TEX261: variants seen among roughly 807,000 people sequenced by gnomAD.
TEX261 encodes protein TEX261.
A neutral mutation model predicts 25.1 loss-of-function variants in TEX261; 13 were observed. The ratio of observed to expected loss-of-function variants is 0.52; its 90% CI spans 0.34 to 0.82. The LOEUF (loss-of-function observed/expected upper bound fraction) is 0.82, where lower values mean the gene tolerates loss of function less well. Ranked by LOEUF, TEX261 falls within the 40% of genes least tolerant of loss-of-function variation. The pLI is 0.02. For missense variants in TEX261, 206 were observed against 243.2 expected (o/e 0.85, Z 1.02); for synonymous variants, 92 against 97.8 (o/e 0.94, Z 0.35).
At chr2:70,989,376 A>C in intron 4 of TEX261, 1 of 417,568 alleles carries the variant, frequency 2.4e-6, no homozygotes, top group Non-Finnish European at 4.4e-6. Flanking sequence ...GGTGTGGAGA[A>C]ATCGTGGGAG....
At position 70,992,001 on chromosome 2, in the gene TEX261, A is replaced by T. The variant is rs1210377254; in HGVS notation, c.151-18T>A. The T allele has an allele frequency of 2.5e-6, 4 of 1,579,238 alleles. No homozygotes were observed. The highest frequency in any genetic ancestry group is 3.4e-6 in the Non-Finnish European group (4 of 1,161,916). ...GTGGAGAACTGAAACAACCAGAGGC[A>T]GACAGTGCAGGGCGCTTCTTCCAGG... On this transcript the variant is annotated intron_variant, in intron 2 of 5. Transcript: ENST00000272438.
chr2:70,994,374 G>C (rs1205150308), intron 1 of TEX261: 3 of 482,888 alleles, frequency 6.2e-6, no homozygotes, highest in Admixed American at 3.8e-5. Flanking sequence ...TTGGGGAAAA[G>C]TTCCGCGCGG....
At position 70,987,505 on chromosome 2, in the gene TEX261, G is replaced by A. The variant is rs1377073623; in HGVS notation, c.*1095C>T. The A allele has an allele frequency of 6.6e-6, 1 of 152,496 alleles. No individual in the cohort carries two copies. Among genetic ancestry groups the A allele is most frequent in the Non-Finnish European group, 1.5e-5 (1 of 68,026 alleles). The allele number at this position is 152,496 out of a possible 1,614,324, so 9.4% of individuals were successfully genotyped here. On this transcript the variant is annotated 3_prime_UTR_variant, in exon 6 of 6. Coordinates refer to ENST00000272438, the MANE Select transcript of TEX261 (RefSeq NM_144582.3). ...GGACTTCATTCCAATATGTACTGTTGAGCACTTGCAAGGCACTATAGTTGG... is the reference window on the plus strand; with the variant it reads ...GGACTTCATTCCAATATGTACTGTTAAGCACTTGCAAGGCACTATAGTTGG...
intron 2 of TEX261, 125 bp downstream of exon 2, chr2:70,993,571 A>C (rs1670345683): frequency 1.2e-6 from 1 of 806,108 alleles, no homozygotes; most frequent in South Asian, 1.5e-5. Context: ...GCAAGGAGGT[A>C]AGAGTGTATG....
rs1463723246 is a variant in TEX261, at chr2:70,987,443, T to A, written c.*1157A>T. 6.6e-6 allele frequency: 1 copy of A among 152,610 alleles called. No individual in the cohort carries two copies. The highest frequency in any genetic ancestry group is 1.5e-5 in the Non-Finnish European group (1 of 68,038). The allele number at this position is 152,610 out of a possible 1,614,324, so 9.5% of individuals were successfully genotyped here. A position where few individuals can be genotyped will look rare whatever the true frequency, so the allele number is the denominator to read the frequency against. ...CATCTCTGTACCTGCCAGCCTCACT[T>A]TGAGGTATAGAACATGGCCAGAAAT... is the stretch of plus-strand genomic sequence containing the variant. On this transcript the variant is annotated 3_prime_UTR_variant, in exon 6 of 6. Transcript: ENST00000272438.
intron 1 of TEX261, among the ~76,000 whole-genome samples, chr2:70,994,188 G>A (rs1670362375): frequency 6.6e-6 from 1 of 152,220 alleles, no homozygotes; most frequent in Non-Finnish European, 1.5e-5. Context: ...AGTTTAGTGT[G>A]AGAAATGCTA....
At position 70,989,007 on chromosome 2, in the gene TEX261, T is replaced by C; in HGVS notation, c.383A>G (p.Tyr128Cys). 1.9e-6 allele frequency: 3 copies of C among 1,613,414 alleles called. No homozygotes were observed. Among genetic ancestry groups the C allele is most frequent in the Non-Finnish European group, 2.5e-6 (3 of 1,179,748 alleles). Residue 128 changes from tyrosine (Y) to cysteine (C), a missense_variant, in exon 5 of 6, where the codon TAT becomes TGT. Coordinates refer to ENST00000272438, the MANE Select transcript of TEX261 (RefSeq NM_144582.3). ...AATTATCCACAGGCAGAAAGTGAAA[T>C]AGGCCAGGACCTGGCAACAAGAGAG... ...EYYPFSEVLA[Y>C]FTFCLWIIPF...
intron 1 of TEX261, 65 bp downstream of exon 1, chr2:70,994,623 G>A: frequency 1.9e-6 from 3 of 1,550,872 alleles, no homozygotes; most frequent in East Asian, 2.4e-5. Context: ...CCCCCGCGAT[G>A]CGACCCCCAA....
intron 1 of TEX261, chr2:70,994,432 C>T: frequency 9.1e-6 from 5 of 550,336 alleles, no homozygotes; most frequent in Non-Finnish European, 1.6e-5. Context: ...TCCGCAGACG[C>T]GGGGGCGGCA....
In TEX261 at chr2:70,994,817, C is replaced by G; in HGVS notation, c.-60G>C. ...ACGGGCCTGCGCGCTTCGGCTCCGG[C>G]GACACACAGCCGCCACCGCCGCCGC... On this transcript the variant is annotated 5_prime_UTR_variant, in exon 1 of 6. Transcript: ENST00000272438. 7.3e-7 allele frequency: 1 copy of G among 1,361,140 alleles called. No homozygotes were observed. Among genetic ancestry groups the G allele is most frequent in the African/African-American group, 1.5e-5 (1 of 65,678 alleles). The allele number at this position is 1,361,140 out of a possible 1,614,324, so 84.3% of individuals were successfully genotyped here. A position where few individuals can be genotyped will look rare whatever the true frequency, so the allele number is the denominator to read the frequency against.
In TEX261 at chr2:70,986,281, C is replaced by G. The variant is rs1670183608; in HGVS notation, c.*2319G>C. ...ATACAGGAGGCTGGGACCCAGAATGCAAGAAGGCAAGTGATGAGACCAGAG... is the reference window on the plus strand; with the variant it reads ...ATACAGGAGGCTGGGACCCAGAATGGAAGAAGGCAAGTGATGAGACCAGAG... On this transcript the variant is annotated 3_prime_UTR_variant, in exon 6 of 6. Transcript: ENST00000272438. The G allele has an allele frequency of 6.6e-6, 1 of 152,650 alleles. No individual in the cohort carries two copies. The highest frequency in any genetic ancestry group is 1.5e-5 in the Non-Finnish European group (1 of 68,074). The allele number at this position is 152,650 out of a possible 1,614,324, so 9.5% of individuals were successfully genotyped here.
At chr2:70,989,052 G>T in intron 4 of TEX261, 35 bp from the exon 5 acceptor site, 1 of 1,584,456 alleles carries the variant, frequency 6.3e-7, no homozygotes, top group South Asian at 1.1e-5. Flanking sequence ...AGGGTGCCCC[G>T]GAGGTGCCAA....
At position 70,987,993 on chromosome 2, in the gene TEX261, C is replaced by T. The variant is rs1166491715; in HGVS notation, c.*607G>A. The T allele has an allele frequency of 2.6e-5, 4 of 154,036 alleles. No individual in the cohort carries two copies. Among genetic ancestry groups the T allele is most frequent in the African/African-American group, 9.7e-5 (4 of 41,428 alleles). The allele number at this position is 154,036 out of a possible 1,614,324, so 9.5% of individuals were successfully genotyped here. ...TCCCATTAAGGGCCACAAGAACAGT[C>T]CCTTGGGAAGGGCAAGACCCAAACC... On this transcript the variant is annotated 3_prime_UTR_variant, in exon 6 of 6. Coordinates refer to ENST00000272438, the MANE Select transcript of TEX261 (RefSeq NM_144582.3).
intron 3 of TEX261, 154 bp downstream of exon 3, chr2:70,991,676 T>A (rs1670300482): frequency 1.2e-6 from 1 of 841,666 alleles, no homozygotes; most frequent in African/African-American, 1.7e-5. Flanking sequence ...GGCTCTAGAG[T>A]CCTCAGCAGT....
At chr2:70,989,038 G>A in intron 4 of TEX261, 21 bp from the exon 5 acceptor site, 4 of 1,605,774 alleles carry the variant, frequency 2.5e-6, no homozygotes, top group Non-Finnish European at 3.4e-6. Flanking sequence ...GAGAGACTGA[G>A]AAGAGGGTGC....
At chr2:70,994,226 G>T (rs1372331471) in intron 1 of TEX261, among the ~76,000 whole-genome samples, 1 of 152,230 alleles carries the variant, frequency 6.6e-6, no homozygotes, top group Admixed American at 6.5e-5. Flanking sequence ...GGCACTGCTG[G>T]ACCATCAACC....
Position 70,988,781 on chromosome 2 carries a change from T to C in TEX261, c.476-66A>G, listed in dbSNP as rs115844515. 9.4e-4 allele frequency: 1,433 copies of C among 1,523,888 alleles called. 11 individuals are homozygous for C. In the African/African-American group the frequency reaches 0.016, roughly 17 times the overall value. The allele number at this position is 1,523,888 out of a possible 1,614,324, so 94.4% of individuals were successfully genotyped here. A position where few individuals can be genotyped will look rare whatever the true frequency, so the allele number is the denominator to read the frequency against. ...GTGTGTGTGTGTGTGCGCATGTGTG[T>C]GAACACGGCCCTCCCAACCCCGAGT... is the stretch of plus-strand genomic sequence containing the variant. On this transcript the variant is annotated intron_variant, in intron 5 of 5. Transcript: ENST00000272438.
chr2:70,989,054 A>C, intron 4 of TEX261, 37 bp from the exon 5 acceptor site: 1 of 1,574,398 alleles, frequency 6.4e-7, no homozygotes, highest in East Asian at 2.3e-5. Context: ...GGTGCCCCGG[A>C]GGTGCCAAGA....
At chr2:70,993,074 T>C (rs1484967544) in intron 2 of TEX261, among the ~76,000 whole-genome samples, 1 of 152,234 alleles carries the variant, frequency 6.6e-6, no homozygotes, top group Non-Finnish European at 1.5e-5. Context: ...TGCACATGGC[T>C]GCTGACACCA....
Sources: allele counts gnomAD v4.1 joint callset (sites outside exome capture counted in the v4.1 genomes callset), GRCh38; gene constraint gnomAD v4.1.1; transcripts MANE v1.5; gene names NCBI Gene and HGNC (gene_info 2026-07-23, HGNC 2026-07-21).